ARHGEF9: variants seen among roughly 807,000 people sequenced by gnomAD.
The protein encoded by ARHGEF9 is rho guanine nucleotide exchange factor 9.
Under a neutral mutation model 41.3 loss-of-function variants are expected in ARHGEF9, and 2 were observed. That is an observed-to-expected ratio of 0.05 (90% CI 0.02 to 0.15). The LOEUF is 0.15. Ranked by LOEUF, ARHGEF9 falls within the 10% of genes least tolerant of loss-of-function variation. The probability of loss-of-function intolerance (pLI) is 1.00; values close to 1 mark genes in which losing one functional copy is unlikely to be tolerated. For missense variants in ARHGEF9, 225 were observed against 424.7 expected, an observed-to-expected ratio of 0.53 and a Z score of 4.13; for synonymous variants, 160 against 154.4, an observed-to-expected ratio of 1.04 and a Z score of -0.27.
chrX:63,655,751 A>G lies in ARHGEF9; in HGVS notation c.1078-14T>C. The G allele has an allele frequency of 5.0e-6, 6 of 1,205,658 alleles. No individual in the cohort carries two copies. The highest frequency in any genetic ancestry group is 6.7e-6 in the Non-Finnish European group (6 of 894,810). Reference sequence around the variant, plus strand: ...CCGGATTAGGTCCTAGATGGGAAGGAAGAGGTTTCTTGAAGGTATGTGCAC... The same window carrying G: ...CCGGATTAGGTCCTAGATGGGAAGGGAGAGGTTTCTTGAAGGTATGTGCAC... On this transcript the variant is annotated splice_polypyrimidine_tract_variant and intron_variant, in intron 7 of 9. Coordinates refer to ENST00000671741, the MANE Select transcript of ARHGEF9 (RefSeq NM_001353921.2).
At chrX:63,649,509 C>T (rs1556323642) in intron 8 of ARHGEF9, among the ~76,000 whole-genome samples, 2 of 111,447 alleles carry the variant, frequency 1.8e-5, no homozygotes, top group East Asian at 5.6e-4. Context: ...AATTGACACC[C>T]TAACATCACA....
chrX:63,645,099 G>T (rs1453665754), intron 8 of ARHGEF9, among the ~76,000 whole-genome samples: 1 of 109,268 alleles, frequency 9.2e-6, no homozygotes, highest in Non-Finnish European at 1.9e-5. Context: ...ATAAACCCTG[G>T]ATCAAAAGGA....
intron 2 of ARHGEF9, among the ~76,000 whole-genome samples, chrX:63,712,199 G>A (rs1556407307): frequency 8.9e-6 from 1 of 111,935 alleles, no homozygotes. Context: ...GAGCTGCTGT[G>A]GAAAATATTT....
In ARHGEF9 at chrX:63,635,193, A is replaced by C; in HGVS notation, c.*2835T>G. 1 of 348,437 alleles carries C rather than the reference A, an allele frequency of 2.9e-6. No homozygotes were observed. The highest frequency in any genetic ancestry group is 5.1e-5 in the Admixed American group (1 of 19,643). The allele number at this position is 348,437 out of a possible 1,213,427, so 28.7% of individuals were successfully genotyped here. On this transcript the variant is annotated 3_prime_UTR_variant, in exon 10 of 10. Transcript: ENST00000671741. The stretch of plus-strand genomic sequence containing the variant: ...CCCCAGCCCACCCCATCCCCAAAGC[A>C]CTAAAAGATCACTATTTGGCTTCAC...
At chrX:63,710,090 C>T (rs1220828644) in intron 2 of ARHGEF9, among the ~76,000 whole-genome samples, 2 of 109,247 alleles carry the variant, frequency 1.8e-5, no homozygotes, top group African/African-American at 6.7e-5. Context: ...ATATTACTAC[C>T]AGTCTTACAG....
At chrX:63,664,565 C>A (rs1391902229) in intron 7 of ARHGEF9, among the ~76,000 whole-genome samples, 2 of 112,126 alleles carry the variant, frequency 1.8e-5, no homozygotes, top group Non-Finnish European at 3.8e-5. Context: ...CTAAATTAAC[C>A]CTCAAAAATC....
intron 6 of ARHGEF9, among the ~76,000 whole-genome samples, chrX:63,672,645 G>A (rs781852488): frequency 9.0e-6 from 1 of 111,350 alleles, no homozygotes; most frequent in Admixed American, 9.5e-5. Context: ...GCACACAGGG[G>A]AATCAGAAAG....
chrX:63,680,600 C>T (rs2050561499), intron 4 of ARHGEF9, among the ~76,000 whole-genome samples: 1 of 112,484 alleles, frequency 8.9e-6, no homozygotes, highest in Admixed American at 9.4e-5. Flanking sequence ...CAGTGATCTG[C>T]CGTGGCCTCT....
chrX:63,772,280 C>T (rs1556455347), intron 1 of ARHGEF9, among the ~76,000 whole-genome samples: 1 of 111,626 alleles, frequency 9.0e-6, no homozygotes, highest in Non-Finnish European at 1.9e-5. Flanking sequence ...GGATGTCGGT[C>T]TTCCTTCCTC....
intron 4 of ARHGEF9, among the ~76,000 whole-genome samples, chrX:63,679,917 A>G (rs1392531153): frequency 8.9e-6 from 1 of 112,269 alleles, no homozygotes; most frequent in Non-Finnish European, 1.9e-5. Context: ...CAGAGATGAC[A>G]TAATTGTATA....
At position 63,684,540 on chromosome X, in the gene ARHGEF9, G is replaced by C. The variant is rs139955029; in HGVS notation, c.583-5968C>G. Among the ~76,000 whole-genome samples the C allele has an allele frequency of 8.1e-5, 9 of 110,885 alleles. 1 individual carries two copies. The East Asian group carries it at 2.5e-3, about 31-fold the overall frequency. Reference sequence around the variant, plus strand: ...CCCTCTTTTGAGTATATGCCCAAAGGAAATGCACTCACTACCTTGTAAAGA... The same window carrying C: ...CCCTCTTTTGAGTATATGCCCAAAGCAAATGCACTCACTACCTTGTAAAGA... On this transcript the variant is annotated intron_variant, in intron 4 of 9. Transcript: ENST00000671741.
intron 3 of ARHGEF9, among the ~76,000 whole-genome samples, chrX:63,705,883 G>T (rs2052509357): frequency 9.0e-6 from 1 of 111,641 alleles, no homozygotes; most frequent in Non-Finnish European, 1.9e-5. Flanking sequence ...GGCTTGGCGG[G>T]AGATGCATTT....
At chrX:63,767,599 A>G (rs1556452452) in intron 1 of ARHGEF9, among the ~76,000 whole-genome samples, 1 of 112,500 alleles carries the variant, frequency 8.9e-6, no homozygotes, top group African/African-American at 3.2e-5. Context: ...AGTTAAAAAA[A>G]GAAGAATTGT....
chrX:63,675,206 A>G (rs2050184940), intron 5 of ARHGEF9, among the ~76,000 whole-genome samples: 1 of 111,565 alleles, frequency 9.0e-6, no homozygotes, highest in South Asian at 3.8e-4. Context: ...CAAATGGACC[A>G]CTATTTTGTT....
chrX:63,710,210 A>G (rs1556405876), intron 2 of ARHGEF9, among the ~76,000 whole-genome samples: 1 of 107,816 alleles, frequency 9.3e-6, no homozygotes, highest in East Asian at 2.9e-4. Context: ...CTGACTCAAG[A>G]AGAAGTAGAA....
chrX:63,713,834 A>G, intron 2 of ARHGEF9, among the ~76,000 whole-genome samples: 1 of 111,054 alleles, frequency 9.0e-6, no homozygotes, highest in South Asian at 3.8e-4. Flanking sequence ...TGCCTGGCAC[A>G]AAGACAATCA....
chrX:63,668,818 A>C (rs192640740), intron 6 of ARHGEF9, among the ~76,000 whole-genome samples: 1 of 112,260 alleles, frequency 8.9e-6, no homozygotes. Context: ...ATTGGAAGTA[A>C]TTTGCCCAAA....
At chrX:63,740,165 G>T (rs1556425537) in intron 1 of ARHGEF9, among the ~76,000 whole-genome samples, 3 of 111,999 alleles carry the variant, frequency 2.7e-5, no homozygotes, top group Non-Finnish European at 5.6e-5. Flanking sequence ...TTACCTAGGA[G>T]ATTCCTGAGG....
Position 63,785,036 on chromosome X carries a change from G to T in ARHGEF9, c.30+80C>A, listed in dbSNP as rs1602768249. On this transcript the variant is annotated intron_variant, in intron 1 of 9. Coordinates refer to ENST00000671741, the MANE Select transcript of ARHGEF9 (RefSeq NM_001353921.2). ...CAGAGGCCAGGGTGCTCACTGCCTT[G>T]TGGCTCGTTGGAGGAACTGGAGGTG... 4.5e-6 allele frequency: 5 copies of T among 1,120,874 alleles called. No individual in the cohort carries two copies. The East Asian group carries it at 9.9e-5, about 22-fold the overall frequency. The allele number at this position is 1,120,874 out of a possible 1,213,427, so 92.4% of individuals were successfully genotyped here. A position where few individuals can be genotyped will look rare whatever the true frequency, so the allele number is the denominator to read the frequency against.
Sources: allele counts gnomAD v4.1 joint callset (sites outside exome capture counted in the v4.1 genomes callset), GRCh38; gene constraint gnomAD v4.1.1; transcripts MANE v1.5; gene names NCBI Gene and HGNC (gene_info 2026-07-23, HGNC 2026-07-21).